LRFN5: variants seen among roughly 807,000 people sequenced by gnomAD.
The protein encoded by LRFN5 is leucine-rich repeat and fibronectin type-III domain-containing protein 5.
A neutral mutation model predicts 45.6 loss-of-function variants in LRFN5; 24 were observed. The observed-to-expected ratio is 0.53, with a 90% confidence interval of 0.38 to 0.74. The LOEUF (loss-of-function observed/expected upper bound fraction) is 0.74, where lower values mean the gene tolerates loss of function less well. Ranked by LOEUF, LRFN5 falls within the 30% of genes least tolerant of loss-of-function variation. The probability of loss-of-function intolerance (pLI) is 0.00; values close to 1 mark genes in which losing one functional copy is unlikely to be tolerated. For synonymous variants in LRFN5, 340 were observed against 313.8 expected (o/e 1.08, Z -0.88); for missense variants, 776 against 861.5 (o/e 0.90, Z 1.24).
At chr14:41,677,810 A>G (rs1698308465) in intron 1 of LRFN5, among the ~76,000 whole-genome samples, 1 of 152,126 alleles carries the variant, frequency 6.6e-6, no homozygotes, top group Admixed American at 6.5e-5. Context: ...AGAGGGTAGG[A>G]TAGGAAAATA....
At chr14:41,898,808 T>G in intron 4 of LRFN5, 109 bp from the exon 5 acceptor site, 1 of 1,012,300 alleles carries the variant, frequency 9.9e-7, no homozygotes, top group East Asian at 2.6e-5. Context: ...TAGATAAATC[T>G]TTGTTAATTC....
At chr14:41,896,249 G>T (rs1264170997) in intron 4 of LRFN5, among the ~76,000 whole-genome samples, 1 of 152,134 alleles carries the variant, frequency 6.6e-6, no homozygotes, top group Non-Finnish European at 1.5e-5. Context: ...CATTTCTTAA[G>T]AAGACAGCAA....
intron 1 of LRFN5, among the ~76,000 whole-genome samples, chr14:41,674,224 G>A (rs1206288107): frequency 8.4e-5 from 11 of 130,454 alleles, no homozygotes; most frequent in Admixed American, 2.2e-4. Flanking sequence ...CCTCCCTCCC[G>A]GACGGGGCGG....
chr14:41,705,502 G>A (rs991219214), intron 1 of LRFN5, among the ~76,000 whole-genome samples: 33 of 152,024 alleles, frequency 2.2e-4, no homozygotes, highest in South Asian at 2.1e-4. Flanking sequence ...TTACTCTTAC[G>A]TCATATGCAC....
intron 1 of LRFN5, among the ~76,000 whole-genome samples, chr14:41,615,126 G>A (rs1473907722): frequency 6.6e-6 from 1 of 152,050 alleles, no homozygotes; most frequent in Non-Finnish European, 1.5e-5. Context: ...AAGTTCTCCT[G>A]ACATATATAT....
At chr14:41,864,463 A>C (rs1889774017) in intron 2 of LRFN5, among the ~76,000 whole-genome samples, 1 of 152,200 alleles carries the variant, frequency 6.6e-6, no homozygotes, top group African/African-American at 2.4e-5. Context: ...GGCTACATAA[A>C]TGTCTTCTTT....
intron 1 of LRFN5, among the ~76,000 whole-genome samples, chr14:41,673,977 G>A (rs1273720956): frequency 6.8e-6 from 1 of 147,414 alleles, no homozygotes; most frequent in Non-Finnish European, 1.5e-5. Flanking sequence ...CGGACGGGGT[G>A]GCTGCCGGGC....
rs1295953627 is a variant in LRFN5 at position 41,608,439 on chromosome 14, A to C, written c.-320A>C. ...CGATGCGGGTGCTGAGCTATGGCAA[A>C]GGGCAGCGAAGTGACGAGCGAGACC... On this transcript the variant is annotated 5_prime_UTR_variant, in exon 1 of 6. Transcript: ENST00000298119. 6.6e-6 allele frequency: 1 copy of C among 152,630 alleles called. No homozygotes were observed. The highest frequency in any genetic ancestry group is 1.5e-5 in the Non-Finnish European group (1 of 68,050). The allele number at this position is 152,630 out of a possible 1,614,324, so 9.5% of individuals were successfully genotyped here. A position where few individuals can be genotyped will look rare whatever the true frequency, so the allele number is the denominator to read the frequency against.
At chr14:41,872,028 A>G (rs553575934) in intron 2 of LRFN5, among the ~76,000 whole-genome samples, 11 of 152,308 alleles carry the variant, frequency 7.2e-5, no homozygotes, top group Admixed American at 3.3e-4. Context: ...GTTTGAAATA[A>G]TAATCTCTCC....
rs554745841 is a variant in LRFN5, at chr14:41,758,722, A to G, written c.-196-8132A>G. 5.9e-5 allele frequency among the ~76,000 whole-genome samples: 9 copies of G among 152,330 alleles called. No individual in the cohort carries two copies. The East Asian group carries it at 1.4e-3, about 23-fold the overall frequency. ...GTTCTTCATTCTTCCTTTGTCTTTT[A>G]TACATGACTGTTTATAATCTGACCT... is the stretch of plus-strand genomic sequence containing the variant. On this transcript the variant is annotated intron_variant, in intron 1 of 5. Transcript: ENST00000298119.
intron 1 of LRFN5, among the ~76,000 whole-genome samples, chr14:41,651,913 C>T (rs1880141931): frequency 6.6e-6 from 1 of 152,084 alleles, no homozygotes; most frequent in East Asian, 1.9e-4. Flanking sequence ...GCTTTCTTCT[C>T]CCTTTGTCTT....
chr14:41,892,010 T>C, intron 4 of LRFN5, 48 bp downstream of exon 4: 1 of 1,586,428 alleles, frequency 6.3e-7, no homozygotes. Context: ...AAGGCACAAG[T>C]ACTCCCTCAA....
intron 2 of LRFN5, among the ~76,000 whole-genome samples, chr14:41,856,672 A>ATTATTATTATTTTTTTTTTTTTTTTT (rs1555326971): frequency 1.7e-4 from 1 of 5,984 alleles, no homozygotes; most frequent in African/African-American, 2.8e-4. Flanking sequence ...TATTATTATT[A>ATTATTATTATTTTTTTTTTTTTTTTT]TTATTTTTTT....
At chr14:41,833,268 G>C (rs1888547321) in intron 2 of LRFN5, among the ~76,000 whole-genome samples, 2 of 152,172 alleles carry the variant, frequency 1.3e-5, no homozygotes, top group South Asian at 4.1e-4. Context: ...CGCAGGAAAA[G>C]TCAGCTTATC....
intron 1 of LRFN5, among the ~76,000 whole-genome samples, chr14:41,749,082 C>A (rs528127060): frequency 1.3e-5 from 2 of 152,060 alleles, no homozygotes; most frequent in African/African-American, 4.8e-5. Flanking sequence ...GTTATGATAA[C>A]TTGGCCACTC....
At chr14:41,661,694 C>G (rs12587520) in intron 1 of LRFN5, among the ~76,000 whole-genome samples, 87 of 151,782 alleles carry the variant, frequency 5.7e-4, no homozygotes, top group Non-Finnish European at 8.8e-4. Flanking sequence ...GAGAGAGGAG[C>G]CTCCAGTAGT....
intron 2 of LRFN5, among the ~76,000 whole-genome samples, chr14:41,872,533 G>C (rs1344750887): frequency 6.6e-6 from 1 of 152,102 alleles, no homozygotes; most frequent in East Asian, 1.9e-4. Flanking sequence ...TAAATTCAAG[G>C]CAATTAGGAA....
chr14:41,818,351 G>A (rs538728945), intron 2 of LRFN5, among the ~76,000 whole-genome samples: 1 of 151,694 alleles, frequency 6.6e-6, no homozygotes, highest in East Asian at 1.9e-4. Flanking sequence ...ATTTAAACAG[G>A]GAACAAAATT....
At chr14:41,724,052 G>A (rs760016700) in intron 1 of LRFN5, among the ~76,000 whole-genome samples, 4 of 152,116 alleles carry the variant, frequency 2.6e-5, no homozygotes, top group Non-Finnish European at 4.4e-5. Context: ...CATGTGAAAA[G>A]ATGAGTCACA....
Sources: gnomAD v4.1 joint callset for allele counts (sites outside exome capture counted in the v4.1 genomes callset) on GRCh38, gnomAD v4.1.1 for gene constraint, MANE v1.5 for transcripts, NCBI Gene and HGNC (gene_info 2026-07-23, HGNC 2026-07-21) for gene names.